Variants in CDADC1 observed in about 807,000 individuals in gnomAD.
CDADC1 encodes the protein cytidine and dCMP deaminase domain containing 1.
Under a neutral mutation model 54.9 loss-of-function variants are expected in CDADC1, and 39 were observed. That is an observed-to-expected ratio of 0.71 (90% CI 0.55 to 0.93). The LOEUF (loss-of-function observed/expected upper bound fraction) is 0.93. Among genes scored for constraint, CDADC1 ranks in the 40% least tolerant of loss-of-function variants. The pLI is 0.00. For missense variants in CDADC1, 518 were observed against 618.8 expected (o/e 0.84, Z 1.73); for synonymous variants, 186 against 204.0 (o/e 0.91, Z 0.75).
At chr13:49,278,903 C>T (rs2138250342) in intron 7 of CDADC1, among the ~76,000 whole-genome samples, 1 of 152,254 alleles carries the variant, frequency 6.6e-6, no homozygotes, top group African/African-American at 2.4e-5. Context: ...TTTTGAGCAA[C>T]GATGGACTAC....
intron 8 of CDADC1, among the ~76,000 whole-genome samples, chr13:49,281,342 A>T (rs1291371211): frequency 6.6e-6 from 1 of 152,158 alleles, no homozygotes; most frequent in African/African-American, 2.4e-5. Context: ...AGAGAGGTGG[A>T]TAGAGGTGAA....
chr13:49,254,334 T>C (rs2138195181), intron 2 of CDADC1, among the ~76,000 whole-genome samples: 1 of 152,264 alleles, frequency 6.6e-6, no homozygotes, highest in South Asian at 2.1e-4. Flanking sequence ...TTCATAAGAC[T>C]AGCAGGTCAA....
chr13:49,285,961 G>A (rs138536189), intron 8 of CDADC1, among the ~76,000 whole-genome samples: 34 of 151,930 alleles, frequency 2.2e-4, no homozygotes, highest in African/African-American at 6.3e-4. Context: ...CTACAGGCGC[G>A]TGCCACCACG....
rs375007765 is a variant in CDADC1, at chr13:49,291,703, C to T, written c.1491C>T (p.Val497=). 2 of 1,614,050 alleles carry T rather than the reference C, an allele frequency of 1.2e-6. No homozygotes were observed. The highest frequency in any genetic ancestry group is 1.3e-5 in the African/African-American group (1 of 75,008). Residue 497 remains valine (V), a synonymous_variant, in exon 10 of 10, where the codon GTC becomes GTT. Coordinates refer to ENST00000251108, the MANE Select transcript of CDADC1 (RefSeq NM_030911.4). ...TGCTAGATGGTGTGTTGAGACCTGT[C>T]CCACAGAAGGAAGAGCAGCACCAGG... The part of the protein sequence containing the change: ...ERRENGVLRP[V]PQKEEQHQDK...
intron 2 of CDADC1, among the ~76,000 whole-genome samples, chr13:49,254,931 C>G (rs1471730672): frequency 6.6e-6 from 1 of 152,136 alleles, no homozygotes; most frequent in South Asian, 2.1e-4. Flanking sequence ...TCACTTTTTC[C>G]CTCATGGATA....
chr13:49,269,893 G>T (rs1044089124), intron 5 of CDADC1, among the ~76,000 whole-genome samples: 1 of 152,126 alleles, frequency 6.6e-6, no homozygotes, highest in East Asian at 1.9e-4. Flanking sequence ...ATAGTTATAA[G>T]TATATCCACT....
chr13:49,292,337 A>G lies in CDADC1; in HGVS notation c.*580A>G, dbSNP rs563982490. The stretch of plus-strand genomic sequence containing the variant: ...TTTAAAGTATATTTTGTAAATGTTA[A>G]TTCTGTGGTCCTGTTTATCACAGAC... On this transcript the variant is annotated 3_prime_UTR_variant, in exon 10 of 10. Coordinates refer to ENST00000251108, the MANE Select transcript of CDADC1 (RefSeq NM_030911.4). 8.1e-6 allele frequency: 8 copies of G among 986,678 alleles called. No individual in the cohort carries two copies. The Admixed American group carries it at 4.6e-4, about 57-fold the overall frequency. The allele number at this position is 986,678 out of a possible 1,614,324, so 61.1% of individuals were successfully genotyped here. A position where few individuals can be genotyped will look rare whatever the true frequency, so the allele number is the denominator to read the frequency against.
intron 4 of CDADC1, among the ~76,000 whole-genome samples, chr13:49,259,987 A>G (rs934444986): frequency 6.6e-6 from 1 of 152,132 alleles, no homozygotes; most frequent in Non-Finnish European, 1.5e-5. Flanking sequence ...CCAGCTACTC[A>G]GAAGGCTGAG....
At position 49,265,962 on chromosome 13, in the gene CDADC1, A is replaced by T. The variant is rs977543586; in HGVS notation, c.431-1528A>T. On this transcript the variant is annotated intron_variant, in intron 4 of 9. Transcript: ENST00000251108. ...AAATGGATTATGAGAACTCGAACAGAGGGAAGGTGAAATGCAACCGGAGGA... is the reference window on the plus strand; with the variant it reads ...AAATGGATTATGAGAACTCGAACAGTGGGAAGGTGAAATGCAACCGGAGGA... 5.4e-6 allele frequency: 7 copies of T among 1,300,850 alleles called. No individual in the cohort carries two copies. In the African/African-American group the frequency reaches 1.1e-4, roughly 20 times the overall value. 80.6% of individuals were successfully genotyped at this position (1,300,850 alleles called of 1,614,324 possible).
chr13:49,262,470 A>G (rs1464927705), intron 4 of CDADC1, among the ~76,000 whole-genome samples: 1 of 152,034 alleles, frequency 6.6e-6, no homozygotes, highest in African/African-American at 2.4e-5. Flanking sequence ...CAAAAACACT[A>G]CATTCATACT....
chr13:49,249,725 TC>T (rs1442094017), intron 2 of CDADC1, among the ~76,000 whole-genome samples: 2 of 151,744 alleles, frequency 1.3e-5, no homozygotes, highest in African/African-American at 4.8e-5. Context: ...AGAGCAAGAC[TC>T]CATCTCAAAA....
chr13:49,249,280 T>G (rs892011406), intron 2 of CDADC1, among the ~76,000 whole-genome samples: 4 of 152,236 alleles, frequency 2.6e-5, no homozygotes, highest in African/African-American at 9.6e-5. Context: ...CTAGGTAGTT[T>G]ACTCCTCTGC....
intron 5 of CDADC1, among the ~76,000 whole-genome samples, chr13:49,272,947 T>C (rs1208150279): frequency 6.6e-6 from 1 of 152,212 alleles, no homozygotes; most frequent in East Asian, 1.9e-4. Context: ...GGCTAAGTTT[T>C]AGTCTATTTC....
intron 8 of CDADC1, among the ~76,000 whole-genome samples, chr13:49,281,252 G>A (rs1033508666): frequency 6.6e-6 from 1 of 152,178 alleles, no homozygotes; most frequent in Non-Finnish European, 1.5e-5. Flanking sequence ...AGAGAATTGA[G>A]CCAGTGGATC....
At chr13:49,283,705 G>A (rs1387453538) in intron 8 of CDADC1, among the ~76,000 whole-genome samples, 1 of 152,176 alleles carries the variant, frequency 6.6e-6, no homozygotes. Flanking sequence ...TTCAGGGGCA[G>A]AGATGGGAAA....
At chr13:49,255,741 T>G in intron 2 of CDADC1, 98 bp from the exon 3 acceptor site, 1 of 1,486,524 alleles carries the variant, frequency 6.7e-7, no homozygotes, top group South Asian at 1.3e-5. Flanking sequence ...AAAAAAATGG[T>G]CAAAGCCAAG....
At chr13:49,253,369 T>C (rs1952477020) in intron 2 of CDADC1, among the ~76,000 whole-genome samples, 1 of 152,218 alleles carries the variant, frequency 6.6e-6, no homozygotes, top group Non-Finnish European at 1.5e-5. Context: ...TAACTCTGGA[T>C]CCTACCCTTT....
chr13:49,288,488 GCAAC>G (rs928012371), intron 9 of CDADC1, among the ~76,000 whole-genome samples: 1 of 152,100 alleles, frequency 6.6e-6, no homozygotes, highest in African/African-American at 2.4e-5. Context: ...CTAGCCCTAG[GCAAC>G]CACTCTTTCA....
At chr13:49,291,602 C>A in intron 9 of CDADC1, 82 bp from the exon 10 acceptor site, 1 of 1,305,740 alleles carries the variant, frequency 7.7e-7, no homozygotes, top group Non-Finnish European at 1.1e-6. Context: ...CATTGTTTTG[C>A]TCTTACAACA....
Sources: gnomAD v4.1 joint callset for allele counts (sites outside exome capture counted in the v4.1 genomes callset) on GRCh38, gnomAD v4.1.1 for gene constraint, MANE v1.5 for transcripts, NCBI Gene and HGNC (gene_info 2026-07-23, HGNC 2026-07-21) for gene names.